The following ASNS variants were observed in gnomAD, a reference collection of about 807,000 sequenced individuals.
ASNS encodes the protein asparagine synthetase (glutamine-hydrolyzing).
In ASNS, 37 loss-of-function variants were observed where a neutral mutation model predicts 62.6. That is an observed-to-expected ratio of 0.59 (90% CI 0.45 to 0.78). The LOEUF (loss-of-function observed/expected upper bound fraction) is 0.78, where lower values mean the gene tolerates loss of function less well. ASNS is among the 30% of genes least tolerant of loss of function. The pLI, the probability that ASNS is intolerant of heterozygous loss-of-function variation, is 0.00. For synonymous variants in ASNS, 207 were observed against 237.9 expected (o/e 0.87, Z 1.19); for missense variants, 520 against 682.4 (o/e 0.76, Z 2.65).
the ASNS span, chr7:97,908,152 C>T: frequency 6.6e-6 from 1 of 152,084 alleles, no homozygotes; most frequent in Non-Finnish European, 1.5e-5. Flanking sequence ...AGTGCTAATG[C>T]CCTTTATTAA....
chr7:97,887,371 C>G, the ASNS span, among the ~76,000 whole-genome samples: 1 of 152,078 alleles, frequency 6.6e-6, no homozygotes, highest in African/African-American at 2.4e-5. Context: ...TAGAGGGTTG[C>G]GATTGATTAA....
chr7:97,898,583 G>A, the ASNS span: 1 of 611,706 alleles, frequency 1.6e-6, no homozygotes, highest in Non-Finnish European at 3.0e-6. Context: ...CTTCTTTCAA[G>A]TCATTTGTCT....
the ASNS span, among the ~76,000 whole-genome samples, chr7:97,909,641 T>C: frequency 6.6e-6 from 1 of 152,212 alleles, no homozygotes; most frequent in Non-Finnish European, 1.5e-5. Flanking sequence ...GATCTGATCA[T>C]ACCCACTCCG....
chr7:97,873,259 A>G (rs1792362924), upstream of ASNS, among the ~76,000 whole-genome samples: 1 of 152,266 alleles, frequency 6.6e-6, no homozygotes, highest in African/African-American at 2.4e-5. Context: ...AAAAAGTATC[A>G]TAACACTCTT....
At chr7:97,896,343 C>T in the ASNS span, among the ~76,000 whole-genome samples, 1 of 151,070 alleles carries the variant, frequency 6.6e-6, no homozygotes, top group Non-Finnish European at 1.5e-5. Flanking sequence ...TATCCCAGCA[C>T]TTTGGGAGGC....
At chr7:97,880,488 T>G in the ASNS span, among the ~76,000 whole-genome samples, 1 of 152,050 alleles carries the variant, frequency 6.6e-6, no homozygotes, top group Non-Finnish European at 1.5e-5. Context: ...GGTCCAAATG[T>G]GAAAGGAAAG....
chr7:97,896,741 C>CACACACATATATATATATATATATATAT, the ASNS span, among the ~76,000 whole-genome samples: 1 of 19,768 alleles, frequency 5.1e-5, no homozygotes, highest in Non-Finnish European at 1.3e-4. Flanking sequence ...CACACACACA[C>CACACACATATATATATATATATATATAT]ATATATATAT....
chr7:97,854,861 G>A, intron 9 of ASNS, 181 bp from the exon 10 acceptor site: 1 of 1,026,040 alleles, frequency 9.7e-7, no homozygotes. Context: ...CTACCAAACT[G>A]CTAATATTAG....
intron 4 of ASNS, among the ~76,000 whole-genome samples, chr7:97,862,224 A>C (rs1791754291): frequency 6.6e-6 from 1 of 152,230 alleles, no homozygotes; most frequent in Non-Finnish European, 1.5e-5. Flanking sequence ...CATATGTAAC[A>C]AACCTGCACG....
chr7:97,870,781 T>C (rs1370915942), intron 1 of ASNS, among the ~76,000 whole-genome samples: 1 of 152,234 alleles, frequency 6.6e-6, no homozygotes, highest in African/African-American at 2.4e-5. Context: ...ATCAGTTACC[T>C]AAGTCTTCTT....
At chr7:97,856,090 C>T (rs12113193) in intron 8 of ASNS, among the ~76,000 whole-genome samples, 45,386 of 152,044 alleles carry the variant, frequency 0.3, 8,643 homozygotes, top group African/African-American at 0.55. Context: ...TGCTTATTTA[C>T]TGTGATGTTT....
chr7:97,904,317 C>CACACACACAG, the ASNS span, among the ~76,000 whole-genome samples: 48 of 146,518 alleles, frequency 3.3e-4, no homozygotes, highest in African/African-American at 8.8e-4. Context: ...CACACACACA[C>CACACACACAG]AGAGAGAGAG....
At chr7:97,891,245 G>A in the ASNS span, among the ~76,000 whole-genome samples, 27 of 152,194 alleles carry the variant, frequency 1.8e-4, no homozygotes, top group African/African-American at 6.5e-4. Flanking sequence ...CACACCTTGT[G>A]AGACGTATTC....
At chr7:97,919,042 A>G in the ASNS span, among the ~76,000 whole-genome samples, 3 of 152,076 alleles carry the variant, frequency 2.0e-5, no homozygotes, top group African/African-American at 7.2e-5. Context: ...AATCAAGAGG[A>G]TGTTTTGTTT....
chr7:97,909,702 G>T, the ASNS span, among the ~76,000 whole-genome samples: 3 of 152,206 alleles, frequency 2.0e-5, no homozygotes, highest in Admixed American at 6.5e-5. Context: ...GAAAACTTGA[G>T]TTCAATCAAC....
the ASNS span, among the ~76,000 whole-genome samples, chr7:97,902,367 A>T: frequency 2.0e-5 from 3 of 152,160 alleles, no homozygotes; most frequent in Non-Finnish European, 4.4e-5. Flanking sequence ...TTGAATTATT[A>T]CTTAAAGAAA....
At chr7:97,898,209 C>T in the ASNS span, 5 of 280,562 alleles carry the variant, frequency 1.8e-5, no homozygotes, top group South Asian at 1.3e-4. Flanking sequence ...ATTCTCATGC[C>T]TCAGCCTCCT....
intron 1 of ASNS, chr7:97,870,365 G>T (rs147970050): frequency 3.0e-6 from 1 of 332,686 alleles, no homozygotes; most frequent in Non-Finnish European, 5.5e-6. Flanking sequence ...AAAAAACTGC[G>T]AATTGCAGCA....
At chr7:97,888,600 C>T in the ASNS span, among the ~76,000 whole-genome samples, 5 of 152,296 alleles carry the variant, frequency 3.3e-5, no homozygotes, top group East Asian at 7.7e-4. Context: ...AAAAAGTTTG[C>T]CATTCCCTAG....
Sources: gnomAD v4.1 joint callset for allele counts (sites outside exome capture counted in the v4.1 genomes callset) on GRCh38, gnomAD v4.1.1 for gene constraint, MANE v1.5 for transcripts, NCBI Gene and HGNC (gene_info 2026-07-23, HGNC 2026-07-21) for gene names.